VAC14: variants seen among roughly 807,000 people sequenced by gnomAD.
VAC14 encodes protein VAC14 homolog.
A neutral mutation model predicts 85.3 loss-of-function variants in VAC14; 47 were observed. The ratio of observed to expected loss-of-function variants is 0.55; its 90% CI spans 0.44 to 0.70. The LOEUF is 0.70. Among genes scored for constraint, VAC14 ranks in the 30% least tolerant of loss-of-function variants. The pLI, the probability that VAC14 is intolerant of heterozygous loss-of-function variation, is 0.00. For synonymous variants in VAC14, 447 were observed against 430.5 expected (o/e 1.04, Z -0.47); for missense variants, 861 against 1,004.3 (o/e 0.86, Z 1.93).
In VAC14 at chr16:70,772,333, G is replaced by A. The variant is rs376573925; in HGVS notation, c.1097-161C>T. On this transcript the variant is annotated intron_variant, in intron 9 of 18. Coordinates refer to ENST00000261776, the MANE Select transcript of VAC14 (RefSeq NM_018052.5). The stretch of plus-strand genomic sequence containing the variant: ...CTGGAGCCCTGAGGACCCAACCAAC[G>A]CCCAGTCATTCTCGATAGTCCCCAA... 55 of 602,678 alleles carry A rather than the reference G, an allele frequency of 9.1e-5. No individual in the cohort carries two copies. The East Asian group carries it at 9.4e-4, about 10-fold the overall frequency. 37.3% of individuals were successfully genotyped at this position (602,678 alleles called of 1,614,324 possible).
intron 1 of VAC14, among the ~76,000 whole-genome samples, chr16:70,790,807 T>G (rs529329574): frequency 6.6e-6 from 1 of 152,322 alleles, no homozygotes; most frequent in African/African-American, 2.4e-5. Flanking sequence ...TCAGGCCCTG[T>G]GGCCCCAGGA....
chr16:70,768,714 C>G, intron 10 of VAC14: 1 of 422,586 alleles, frequency 2.4e-6, no homozygotes, highest in South Asian at 1.7e-5. Context: ...AGTGAGAAAT[C>G]TTTCATAAAA....
chr16:70,755,705 C>T (rs759916753), intron 12 of VAC14, among the ~76,000 whole-genome samples: 9 of 152,218 alleles, frequency 5.9e-5, no homozygotes, highest in Non-Finnish European at 1.2e-4. Flanking sequence ...TGACACATGA[C>T]CCACCACGGT....
At chr16:70,776,619 G>A (rs1009285) in intron 9 of VAC14, among the ~76,000 whole-genome samples, 12,227 of 152,128 alleles carry the variant, frequency 0.08, 523 homozygotes, top group Middle Eastern at 0.14. Context: ...GTTTTGAGAT[G>A]GGGTCTCGCT....
At chr16:70,694,404 G>A (rs557351139) in intron 17 of VAC14, among the ~76,000 whole-genome samples, 24 of 152,322 alleles carry the variant, frequency 1.6e-4, no homozygotes, top group African/African-American at 3.8e-4. Context: ...AGGCTTTAGC[G>A]CACTCTGCGG....
intron 14 of VAC14, among the ~76,000 whole-genome samples, chr16:70,709,795 C>A (rs918899684): frequency 1.3e-5 from 2 of 152,134 alleles, no homozygotes; most frequent in Non-Finnish European, 2.9e-5. Flanking sequence ...TTCCTGGTGC[C>A]CAGGGAGACA....
intron 5 of VAC14, among the ~76,000 whole-genome samples, chr16:70,783,829 T>C (rs986870469): frequency 4.6e-5 from 7 of 152,060 alleles, no homozygotes; most frequent in Admixed American, 2.0e-4. Context: ...AAAAGTGAGA[T>C]TGCTGGAAGT....
intron 14 of VAC14, among the ~76,000 whole-genome samples, chr16:70,706,024 G>T (rs1009566109): frequency 1.3e-5 from 2 of 152,130 alleles, no homozygotes; most frequent in African/African-American, 4.8e-5. Flanking sequence ...GGTTCTTCAT[G>T]CCTCTGCTTC....
chr16:70,687,440 T>G lies in VAC14; in HGVS notation c.*488A>C, dbSNP rs2053513064. 7.8e-6 allele frequency: 1 copy of G among 127,840 alleles called. No individual in the cohort carries two copies. The highest frequency in any genetic ancestry group is 3.0e-5 in the African/African-American group (1 of 32,862). The allele number at this position is 127,840 out of a possible 1,614,324, so 7.9% of individuals were successfully genotyped here. A position where few individuals can be genotyped will look rare whatever the true frequency, so the allele number is the denominator to read the frequency against. The stretch of plus-strand genomic sequence containing the variant: ...TGGGAAGGAGCAGGCCGGCTCGGGT[T>G]GAGGGTTTTCTGTTATTTCTTTATT... On this transcript the variant is annotated 3_prime_UTR_variant, in exon 19 of 19. Coordinates refer to ENST00000261776, the MANE Select transcript of VAC14 (RefSeq NM_018052.5).
intron 10 of VAC14, among the ~76,000 whole-genome samples, chr16:70,766,711 G>T (rs2032843743): frequency 6.6e-6 from 1 of 152,188 alleles, no homozygotes; most frequent in Non-Finnish European, 1.5e-5. Flanking sequence ...GGAGGTGGAG[G>T]TCATGGGAAG....
intron 1 of VAC14, among the ~76,000 whole-genome samples, chr16:70,787,501 T>A (rs967288743): frequency 1.3e-5 from 2 of 151,778 alleles, no homozygotes; most frequent in African/African-American, 4.8e-5. Flanking sequence ...CTGCCCTGAG[T>A]GGAGGAGCTG....
chr16:70,733,329 C>T (rs1026204922), intron 13 of VAC14, among the ~76,000 whole-genome samples: 1 of 152,000 alleles, frequency 6.6e-6, no homozygotes, highest in Non-Finnish European at 1.5e-5. Flanking sequence ...GAATAATATT[C>T]CACTTTATAT....
At chr16:70,707,481 G>C (rs2053943075) in intron 14 of VAC14, among the ~76,000 whole-genome samples, 2 of 152,180 alleles carry the variant, frequency 1.3e-5, no homozygotes, top group African/African-American at 2.4e-5. Flanking sequence ...TGTGCAAGAG[G>C]AGGTGCCATC....
intron 14 of VAC14, among the ~76,000 whole-genome samples, chr16:70,725,078 C>T (rs2054388355): frequency 6.6e-6 from 1 of 152,234 alleles, no homozygotes; most frequent in African/African-American, 2.4e-5. Flanking sequence ...GAGCTGGGGC[C>T]AGAGGCAAAC....
intron 14 of VAC14, among the ~76,000 whole-genome samples, chr16:70,728,653 G>A (rs1392608116): frequency 1.3e-5 from 2 of 152,206 alleles, no homozygotes; most frequent in Non-Finnish European, 2.9e-5. Context: ...ATGCAGCCTG[G>A]AGATGCTGGT....
Position 70,692,970 on chromosome 16 carries a change from A to G in VAC14, c.2037T>C (p.Tyr679=), listed in dbSNP as rs751152565. ...VQLIECPIFT[Y]LRLQLLDVKN... ...TCACGTCCAGCAGCTGCAGGCGCAG[A>G]TCTGGGGTAGGCAGAGGGCAGGGGT... Residue 679 remains tyrosine (Y), a splice_region_variant and synonymous_variant, in exon 18 of 19, where the codon TAT becomes TAC. Transcript: ENST00000261776. 14 of 1,610,416 alleles carry G rather than the reference A, an allele frequency of 8.7e-6. No homozygotes were observed. Among genetic ancestry groups the G allele is most frequent in the Middle Eastern group, 1.7e-4 (1 of 6,036 alleles).
At chr16:70,698,019 C>T (rs536113580) in intron 15 of VAC14, among the ~76,000 whole-genome samples, 3 of 152,280 alleles carry the variant, frequency 2.0e-5, no homozygotes, top group East Asian at 1.9e-4. Context: ...GCCTGGGACC[C>T]GCGTCTCTCC....
chr16:70,709,855 T>C (rs1567530163), intron 14 of VAC14, among the ~76,000 whole-genome samples: 1 of 152,160 alleles, frequency 6.6e-6, no homozygotes, highest in East Asian at 1.9e-4. Context: ...TGGCTGACAC[T>C]GCCAGGGAAA....
chr16:70,785,593 G>C, intron 3 of VAC14, 109 bp downstream of exon 3: 1 of 1,327,574 alleles, frequency 7.5e-7, no homozygotes, highest in Non-Finnish European at 1.0e-6. Context: ...GCAGCCACAT[G>C]CTTGTTTGCT....
Sources: gnomAD v4.1 joint callset for allele counts (sites outside exome capture counted in the v4.1 genomes callset) on GRCh38, gnomAD v4.1.1 for gene constraint, MANE v1.5 for transcripts, NCBI Gene and HGNC (gene_info 2026-07-23, HGNC 2026-07-21) for gene names.